Variants in SNX31 observed in about 807,000 individuals in gnomAD.
SNX31 encodes the protein sorting nexin-31.
In SNX31, 58 loss-of-function variants were observed where a neutral mutation model predicts 65.4. That is an observed-to-expected ratio of 0.89 (90% CI 0.72 to 1.10). The LOEUF is 1.10. Ranked by LOEUF, SNX31 falls within the 50% of genes least tolerant of loss-of-function variation. SNX31 has a pLI of 0.00. For synonymous variants in SNX31, 181 were observed against 190.1 expected (o/e 0.95, Z 0.39); for missense variants, 523 against 529.7 (o/e 0.99, Z 0.12).
chr8:100,620,197 A>G (rs1056717912), intron 4 of SNX31, among the ~76,000 whole-genome samples: 5 of 152,162 alleles, frequency 3.3e-5, no homozygotes, highest in East Asian at 1.9e-4. Flanking sequence ...ACCAATCAGG[A>G]GATTACTGGG....
intron 10 of SNX31, among the ~76,000 whole-genome samples, chr8:100,595,670 C>T (rs1475436180): frequency 6.6e-6 from 1 of 152,078 alleles, no homozygotes; most frequent in Non-Finnish European, 1.5e-5. Flanking sequence ...TGGAAGTTCC[C>T]TTGACCAAGT....
chr8:100,611,961 T>G, intron 7 of SNX31, 39 bp downstream of exon 7: 1 of 1,504,256 alleles, frequency 6.6e-7, no homozygotes, highest in Non-Finnish European at 9.3e-7. Flanking sequence ...AATGGCGAAG[T>G]GTCGTCAAAC....
Position 100,625,743 on chromosome 8 carries a change from A to G in SNX31, c.321+4584T>C, listed in dbSNP as rs1257872545. Reference sequence around the variant, plus strand: ...AAGTGCTGCAGAACTCAAGCAACGCATAAGCTGCCTCAAAGCAGTTAATCA... The same window carrying G: ...AAGTGCTGCAGAACTCAAGCAACGCGTAAGCTGCCTCAAAGCAGTTAATCA... On this transcript the variant is annotated intron_variant, in intron 4 of 13. Transcript: ENST00000311812. This position sits in a 1 kb window ranked among gnomAD's most constrained non-coding sequence, Gnocchi z 4.2. Among the ~76,000 whole-genome samples the G allele has an allele frequency of 6.6e-6, 1 of 152,208 alleles. No homozygotes were observed. Among genetic ancestry groups the G allele is most frequent in the Non-Finnish European group, 1.5e-5 (1 of 68,040 alleles).
intron 12 of SNX31, among the ~76,000 whole-genome samples, chr8:100,580,058 G>A (rs1813358391): frequency 6.6e-6 from 1 of 151,308 alleles, no homozygotes. Context: ...GTACTTAGGA[G>A]ACTGCAGTGG....
chr8:100,659,851 T>A (rs890926116), intron 1 of SNX31, among the ~76,000 whole-genome samples: 2 of 152,190 alleles, frequency 1.3e-5, no homozygotes, highest in Non-Finnish European at 2.9e-5. Flanking sequence ...TTTCAAGACA[T>A]ACAGTTTTAG....
In SNX31 at chr8:100,574,630, T is replaced by TAAA. The variant is rs34042673; in HGVS notation, c.1228-673_1228-671dup. 5.4e-4 allele frequency among the ~76,000 whole-genome samples: 71 copies of TAAA among 132,064 alleles called. No homozygotes were observed. The South Asian group carries it at 7.1e-3, about 13-fold the overall frequency. 86.6% of individuals were successfully genotyped at this position (132,064 alleles called of 152,430 possible). A position where few individuals can be genotyped will look rare whatever the true frequency, so the allele number is the denominator to read the frequency against. The stretch of plus-strand genomic sequence containing the variant: ...CCTGGCAACAGAGTGAGACTCCGTC[T>TAAA]AAAAAAAAAAAAAAAAAGAAGAGGC... On this transcript the variant is annotated intron_variant, in intron 13 of 13. Coordinates refer to ENST00000311812, the MANE Select transcript of SNX31 (RefSeq NM_152628.4).
At position 100,576,981 on chromosome 8, in the gene SNX31, A is replaced by T; in HGVS notation, c.1227+38T>A. Reference sequence around the variant, plus strand: ...GAGGAAAAAAGATCAGATTTATCAAAATTATAATGTACCAATTACATAATT... The same window carrying T: ...GAGGAAAAAAGATCAGATTTATCAATATTATAATGTACCAATTACATAATT... On this transcript the variant is annotated intron_variant, in intron 13 of 13. Transcript: ENST00000311812. This position sits in a 1 kb window ranked among gnomAD's most constrained non-coding sequence, Gnocchi z 4.8. 1 of 1,517,078 alleles carries T rather than the reference A, an allele frequency of 6.6e-7. No individual in the cohort carries two copies. The highest frequency in any genetic ancestry group is 9.1e-7 in the Non-Finnish European group (1 of 1,100,384). 94.0% of individuals were successfully genotyped at this position (1,517,078 alleles called of 1,614,324 possible). A position where few individuals can be genotyped will look rare whatever the true frequency, so the allele number is the denominator to read the frequency against.
chr8:100,612,889 T>A lies in SNX31; in HGVS notation c.523+106A>T. On this transcript the variant is annotated intron_variant, in intron 6 of 13. Transcript: ENST00000311812. This position sits in a 1 kb window ranked among gnomAD's most constrained non-coding sequence, Gnocchi z 4.3. ...CAGTGACTGAGAACAGTGGTAGGGATCACAGCCCAGTGGGTGGCCAGCCCC... is the reference window on the plus strand; with the variant it reads ...CAGTGACTGAGAACAGTGGTAGGGAACACAGCCCAGTGGGTGGCCAGCCCC... The A allele has an allele frequency of 2.2e-6, 2 of 925,460 alleles. No individual in the cohort carries two copies. Among genetic ancestry groups the A allele is most frequent in the Non-Finnish European group, 3.6e-6 (2 of 560,250 alleles). The allele number at this position is 925,460 out of a possible 1,614,324, so 57.3% of individuals were successfully genotyped here. A position where few individuals can be genotyped will look rare whatever the true frequency, so the allele number is the denominator to read the frequency against.
intron 12 of SNX31, 65 bp downstream of exon 12, chr8:100,584,046 G>A: frequency 6.8e-7 from 1 of 1,461,302 alleles, no homozygotes; most frequent in Non-Finnish European, 9.5e-7. Flanking sequence ...GTGTAGTTTG[G>A]TCTCCAACTG....
In SNX31 at chr8:100,596,784, G is replaced by T; in HGVS notation, c.833C>A (p.Thr278Asn). 2 of 1,614,042 alleles carry T rather than the reference G, an allele frequency of 1.2e-6. No individual in the cohort carries two copies. The highest frequency in any genetic ancestry group is 4.5e-5 in the East Asian group (2 of 44,884). ...AGAGCCTGATTCTGGGTAGTCACAG[G>T]TACAAGGATCCAGCTGCAGGTATCC... Reference protein sequence around the residue: ...HYGYLQLDPCTCDYPESGSGA... With the variant: ...HYGYLQLDPCNCDYPESGSGA... The change falls in exon 10 of 14, where the codon ACC becomes AAC. Residue 278 changes from threonine to asparagine, a missense_variant. Transcript: ENST00000311812.
intron 1 of SNX31, among the ~76,000 whole-genome samples, chr8:100,656,229 G>A (rs1009354333): frequency 6.6e-6 from 1 of 152,190 alleles, no homozygotes; most frequent in Admixed American, 6.5e-5. Context: ...TAAGAAGCAT[G>A]CTTGGTCTCT....
chr8:100,597,236 G>A (rs904810598), intron 9 of SNX31, among the ~76,000 whole-genome samples: 2 of 151,720 alleles, frequency 1.3e-5, no homozygotes, highest in African/African-American at 2.4e-5. Context: ...AAACAAAAAA[G>A]TGTACATTGG....
At position 100,613,912 on chromosome 8, in the gene SNX31, C is replaced by T. The variant is rs1816943414; in HGVS notation, c.433-827G>A. On this transcript the variant is annotated intron_variant, in intron 5 of 13. Transcript: ENST00000311812. This position sits in a 1 kb window ranked among gnomAD's most constrained non-coding sequence, Gnocchi z 5.2. The stretch of plus-strand genomic sequence containing the variant: ...TACTCCTGGTCTTAACTCACTAAAT[C>T]ACCTCTGTACCACGCAAGGAGAGGC... 6.6e-6 allele frequency among the ~76,000 whole-genome samples: 1 copy of T among 152,122 alleles called. No individual in the cohort carries two copies. Among genetic ancestry groups the T allele is most frequent in the South Asian group, 2.1e-4 (1 of 4,818 alleles).
chr8:100,609,492 G>A lies in SNX31; in HGVS notation c.612-929C>T, dbSNP rs534979820. Among the ~76,000 whole-genome samples, 13 of 152,278 alleles carry A rather than the reference G, an allele frequency of 8.5e-5. 1 individual carries two copies. The East Asian group carries it at 9.6e-4, about 11-fold the overall frequency. On this transcript the variant is annotated intron_variant, in intron 7 of 13. Transcript: ENST00000311812. This position sits in a 1 kb window ranked among gnomAD's most constrained non-coding sequence, Gnocchi z 4.9. ...GTGATTTGCAAATAGCAGGGGCTCCGTGTCTGCCTGTCAGATCCAGAATCA... is the reference window on the plus strand; with the variant it reads ...GTGATTTGCAAATAGCAGGGGCTCCATGTCTGCCTGTCAGATCCAGAATCA...
In SNX31 at chr8:100,660,336, G is replaced by A. The variant is rs1587117108; in HGVS notation, c.-58+2806C>T. The stretch of plus-strand genomic sequence containing the variant: ...GTCCCAGTCACATTGTTTAAAAGTG[G>A]CAGGGCCAGAAATTGAATCCAGGCT... On this transcript the variant is annotated intron_variant, in intron 1 of 5. Transcript: ENST00000520352. The surrounding 1 kb of genome is among the most constrained non-coding windows in gnomAD (Gnocchi z 4.1). Among the ~76,000 whole-genome samples the A allele has an allele frequency of 2.6e-5, 4 of 152,172 alleles. No homozygotes were observed. Among genetic ancestry groups the A allele is most frequent in the Non-Finnish European group, 5.9e-5 (4 of 68,032 alleles).
At position 100,597,573 on chromosome 8, in the gene SNX31, A is replaced by G. The variant is rs186831162; in HGVS notation, c.775-731T>C. Among the ~76,000 whole-genome samples, 9 of 152,282 alleles carry G rather than the reference A, an allele frequency of 5.9e-5. 1 individual carries two copies. In the East Asian group the frequency reaches 1.7e-3, roughly 29 times the overall value. ...TGTTGGCTTTTAAAAAACTAAGCTG[A>G]GATCTATGTAGGAAGAAAAGTGGTT... On this transcript the variant is annotated intron_variant, in intron 9 of 13. Coordinates refer to ENST00000311812, the MANE Select transcript of SNX31 (RefSeq NM_152628.4).
intron 10 of SNX31, among the ~76,000 whole-genome samples, chr8:100,590,022 T>G (rs1354472188): frequency 1.3e-5 from 2 of 152,188 alleles, no homozygotes; most frequent in East Asian, 3.9e-4. Flanking sequence ...AAGCTTGAGC[T>G]CCTTTGGTTC....
chr8:100,580,015 G>A (rs1309502556), intron 12 of SNX31, among the ~76,000 whole-genome samples: 1 of 152,058 alleles, frequency 6.6e-6, no homozygotes, highest in African/African-American at 2.4e-5. Flanking sequence ...ACAAAAATTA[G>A]CCAGGCATGG....
chr8:100,623,758 C>A (rs929123542), intron 4 of SNX31, among the ~76,000 whole-genome samples: 1 of 152,172 alleles, frequency 6.6e-6, no homozygotes, highest in Admixed American at 6.5e-5. Context: ...CCATCTTCCA[C>A]TTCTCCTTCT....
Sources: allele counts gnomAD v4.1 joint callset (sites outside exome capture counted in the v4.1 genomes callset), GRCh38; gene constraint gnomAD v4.1.1; non-coding constraint Gnocchi (gnomAD v3.1); transcripts MANE v1.5; gene names NCBI Gene and HGNC (gene_info 2026-07-23, HGNC 2026-07-21).